Variants in SNAPC3 observed in about 807,000 individuals in gnomAD.
SNAPC3 encodes small nuclear RNA activating complex polypeptide 3, also known as snRNA-activating protein complex subunit 3.
A neutral mutation model predicts 47.7 loss-of-function variants in SNAPC3; 56 were observed. That is an observed-to-expected ratio of 1.18 (90% CI 0.95 to 1.47). The LOEUF (loss-of-function observed/expected upper bound fraction) is 1.47. SNAPC3 is among the 40% of genes most tolerant of loss of function. SNAPC3 has a pLI of 0.00. For missense variants in SNAPC3, 665 were observed against 511.3 expected (o/e 1.30, Z -2.90); for synonymous variants, 235 against 189.9 (o/e 1.24, Z -1.95).
chr9:15,444,960 G>A (rs1182514558), intron 4 of SNAPC3, among the ~76,000 whole-genome samples: 1 of 152,136 alleles, frequency 6.6e-6, no homozygotes, highest in African/African-American at 2.4e-5. Context: ...AGGCATGGTG[G>A]TGCACATCTG....
intron 3 of SNAPC3, among the ~76,000 whole-genome samples, chr9:15,442,339 C>A (rs1297625923): frequency 4.0e-5 from 6 of 150,358 alleles, no homozygotes. Flanking sequence ...CTGGACGGGG[C>A]GGCTGCCGGG....
At chr9:15,450,187 T>C (rs1473838658) in intron 5 of SNAPC3, among the ~76,000 whole-genome samples, 2 of 152,072 alleles carry the variant, frequency 1.3e-5, no homozygotes, top group African/African-American at 4.8e-5. Flanking sequence ...CATAACAACC[T>C]ATGAGGAAAG....
intron 3 of SNAPC3, among the ~76,000 whole-genome samples, chr9:15,434,441 T>G (rs1744019906): frequency 2.0e-5 from 3 of 150,820 alleles, no homozygotes; most frequent in Non-Finnish European, 1.5e-5. Flanking sequence ...AGAGTCTCGC[T>G]GTGTCGCCCA....
intron 5 of SNAPC3, among the ~76,000 whole-genome samples, chr9:15,448,206 A>T (rs996861795): frequency 8.5e-5 from 13 of 152,162 alleles, no homozygotes; most frequent in Non-Finnish European, 5.9e-5. Context: ...CACCAGCCAC[A>T]TAAATGTTGG....
chr9:15,434,715 T>G lies in SNAPC3; in HGVS notation c.477+1079T>G, dbSNP rs565438123. Among the ~76,000 whole-genome samples the G allele has an allele frequency of 2.0e-5, 3 of 152,324 alleles. No homozygotes were observed. In the South Asian group the frequency reaches 6.2e-4, roughly 32 times the overall value. Reference sequence around the variant, plus strand: ...GCCACAGCACCCAGCCTATGGCATATTTTACGTAGCATAATGTTTTATAGG... The same window carrying G: ...GCCACAGCACCCAGCCTATGGCATAGTTTACGTAGCATAATGTTTTATAGG... On this transcript the variant is annotated intron_variant, in intron 3 of 8. Coordinates refer to ENST00000380821, the MANE Select transcript of SNAPC3 (RefSeq NM_001039697.2).
chr9:15,436,271 A>G (rs1227926323), intron 3 of SNAPC3, among the ~76,000 whole-genome samples: 2 of 152,252 alleles, frequency 1.3e-5, no homozygotes, highest in Non-Finnish European at 1.5e-5. Context: ...ATGCAGCATC[A>G]TGAAGATTTT....
chr9:15,455,162 C>T (rs2034682016), intron 7 of SNAPC3, among the ~76,000 whole-genome samples: 2 of 152,192 alleles, frequency 1.3e-5, no homozygotes, highest in East Asian at 3.9e-4. Flanking sequence ...AAAACAATTG[C>T]CCCTAGGGAA....
At chr9:15,429,539 G>T (rs765016653) in intron 2 of SNAPC3, among the ~76,000 whole-genome samples, 3 of 151,814 alleles carry the variant, frequency 2.0e-5, no homozygotes, top group Non-Finnish European at 4.4e-5. Flanking sequence ...TACTGCAGAG[G>T]AAAAAAAACC....
chr9:15,446,248 G>T (rs1213713638), intron 4 of SNAPC3, among the ~76,000 whole-genome samples: 1 of 152,162 alleles, frequency 6.6e-6, no homozygotes, highest in African/African-American at 2.4e-5. Context: ...ACAGGGCCTT[G>T]CTCCATTGCC....
intron 5 of SNAPC3, among the ~76,000 whole-genome samples, chr9:15,449,760 G>A (rs1194180851): frequency 2.6e-5 from 4 of 151,096 alleles, no homozygotes; most frequent in African/African-American, 9.7e-5. Context: ...TAGTAGAGAT[G>A]GGGTTTCTCC....
intron 3 of SNAPC3, among the ~76,000 whole-genome samples, chr9:15,442,293 G>T (rs1350482787): frequency 2.0e-5 from 3 of 149,228 alleles, no homozygotes; most frequent in Non-Finnish European, 4.5e-5. Context: ...CCGGGCGGGG[G>T]CTGCCCCCCA....
chr9:15,462,867 C>T (rs1393993767), downstream of SNAPC3: 2 of 152,160 alleles, frequency 1.3e-5, no homozygotes, highest in Non-Finnish European at 2.9e-5. Flanking sequence ...TCCATTAGAG[C>T]ATCCTTTTTC....
At chr9:15,438,969 T>C (rs1314375597) in intron 3 of SNAPC3, among the ~76,000 whole-genome samples, 1 of 152,234 alleles carries the variant, frequency 6.6e-6, no homozygotes, top group Admixed American at 6.5e-5. Context: ...CATAGAACTG[T>C]CTATTTCTTC....
Position 15,423,069 on chromosome 9 carries a change from AGGGAGCCGCCGGCATCCGCTCTGCCT to A in SNAPC3, c.198_223del (p.Pro67GlyfsTer3), listed in dbSNP as rs757939697. The A allele has an allele frequency of 9.9e-6, 15 of 1,516,392 alleles. No homozygotes were observed. The highest frequency in any genetic ancestry group is 2.5e-5 in the East Asian group (1 of 39,244). The allele number at this position is 1,516,392 out of a possible 1,614,324, so 93.9% of individuals were successfully genotyped here. ...GCGCGGGGCCGGGGACTTGTCGCTGAGGGAGCCGCCGGCATCCGCTCTGCCTGGGAGCCAGGCAGCTGACTCCGACC... is the reference window on the plus strand; with the variant it reads ...GCGCGGGGCCGGGGACTTGTCGCTGAGGGAGCCAGGCAGCTGACTCCGACC... On this transcript the variant is annotated frameshift_variant, in exon 1 of 9. Coordinates refer to ENST00000380821, the MANE Select transcript of SNAPC3 (RefSeq NM_001039697.2). LOFTEE classifies it high-confidence loss of function.
intron 2 of SNAPC3, among the ~76,000 whole-genome samples, chr9:15,429,850 A>C (rs1201999096): frequency 6.6e-6 from 1 of 152,192 alleles, no homozygotes; most frequent in African/African-American, 2.4e-5. Context: ...GACAAGAGAC[A>C]CATCTAAAAT....
chr9:15,437,622 G>GTTTTTTTT (rs577506548), intron 3 of SNAPC3, among the ~76,000 whole-genome samples: 1 of 115,748 alleles, frequency 8.6e-6, no homozygotes, highest in Non-Finnish European at 1.9e-5. Flanking sequence ...ATGATCTGTT[G>GTTTTTTTT]TTTTTTTTTT....
chr9:15,444,765 A>G (rs958982882), intron 4 of SNAPC3, 59 bp downstream of exon 4: 1 of 925,016 alleles, frequency 1.1e-6, no homozygotes, highest in Admixed American at 2.0e-5. Context: ...AAAGTGTTTA[A>G]TTATTTGAAG....
At chr9:15,431,815 A>G (rs1042908955) in intron 2 of SNAPC3, 1 of 151,950 alleles carries the variant, frequency 6.6e-6, no homozygotes, top group Non-Finnish European at 1.5e-5. Flanking sequence ...TAGTTGTATT[A>G]CGGATGTGTA....
rs117216043 is a variant in SNAPC3, at chr9:15,443,621, A to G, written c.478-981A>G. Among the ~76,000 whole-genome samples the G allele has an allele frequency of 7.7e-4, 118 of 152,356 alleles. 3 individuals are homozygous for G. In the East Asian group the frequency reaches 0.022, roughly 28 times the overall value. On this transcript the variant is annotated intron_variant, in intron 3 of 8. Transcript: ENST00000380821. ...GCATCTTGTCTGTAAGTCTTCCAATATAGATCCTGCTGGGGGAAGCTGCTG... is the reference window on the plus strand; with the variant it reads ...GCATCTTGTCTGTAAGTCTTCCAATGTAGATCCTGCTGGGGGAAGCTGCTG...
Sources: gnomAD v4.1 joint callset for allele counts (sites outside exome capture counted in the v4.1 genomes callset) on GRCh38, gnomAD v4.1.1 for gene constraint, MANE v1.5 for transcripts, NCBI Gene and HGNC (gene_info 2026-07-23, HGNC 2026-07-21) for gene names.